The following ASCC2 variants were observed in gnomAD, a reference collection of about 807,000 sequenced individuals.
ASCC2 encodes the protein activating signal cointegrator 1 complex subunit 2.
In ASCC2, 42 loss-of-function variants were observed where a neutral mutation model predicts 93.5. The observed-to-expected ratio is 0.45, with a 90% CI of 0.35 to 0.58. ASCC2 has a LOEUF of 0.58. ASCC2 is among the 20% of genes least tolerant of loss of function. The probability of loss-of-function intolerance (pLI) is 0.00; values close to 1 mark genes in which losing one functional copy is unlikely to be tolerated. For missense variants in ASCC2, 859 were observed against 977.6 expected, an observed-to-expected ratio of 0.88 and a Z score of 1.62; for synonymous variants, 364 against 384.2, an observed-to-expected ratio of 0.95 and a Z score of 0.62.
chr22:29,811,472 A>C (rs1355814603), intron 8 of ASCC2, among the ~76,000 whole-genome samples: 5 of 152,218 alleles, frequency 3.3e-5, no homozygotes, highest in African/African-American at 1.2e-4. Context: ...ATAGATGGGA[A>C]AGGAAGGAGG....
chr22:29,816,180 T>C, intron 5 of ASCC2, 107 bp from the exon 6 acceptor site: 1 of 926,170 alleles, frequency 1.1e-6, no homozygotes, highest in Non-Finnish European at 1.7e-6. Context: ...TTTCTCCCTT[T>C]TCCTAATCCT....
Position 29,793,644 on chromosome 22 carries a change from A to G in ASCC2, c.1721T>C (p.Leu574Pro), listed in dbSNP as rs982424605. 1.3e-6 allele frequency: 2 copies of G among 1,592,006 alleles called. No homozygotes were observed. The highest frequency in any genetic ancestry group is 1.3e-5 in the African/African-American group (1 of 74,372). ...TGCCGCCACTGCACGCTTGTCGTTC[A>G]GCAAACTCCGCGTGTTTTCCTCCTT... ...TRKEENTRSL[L>P]NDKRAVAAQR... Residue 574 changes from leucine to proline, a missense_variant, in exon 16 of 20, where the codon CTG becomes CCG. Transcript: ENST00000307790.
At chr22:29,818,497 C>T (rs1291525196) in intron 5 of ASCC2, among the ~76,000 whole-genome samples, 2 of 113,908 alleles carry the variant, frequency 1.8e-5, no homozygotes, top group East Asian at 6.1e-4. Context: ...GCTCCTGAGG[C>T]CTGGTCCTGA....
chr22:29,804,582 C>CA lies in ASCC2; in HGVS notation c.1353+55dup. 3 of 1,573,668 alleles carry CA rather than the reference C, an allele frequency of 1.9e-6. No homozygotes were observed. In the South Asian group the frequency reaches 3.4e-5, roughly 18 times the overall value. ...GAGGTTTCCTGCTGCCCCAGCCTCT[C>CA]AGATAGGGCCAAGGAGGGACAAGCG... On this transcript the variant is annotated intron_variant, in intron 13 of 19. Transcript: ENST00000307790.
At position 29,838,226 on chromosome 22, in the gene ASCC2, CCGA is replaced by C. The variant is rs759597045; in HGVS notation, c.-69_-67del. The C allele has an allele frequency of 4.3e-6, 2 of 465,796 alleles. No homozygotes were observed. The highest frequency in any genetic ancestry group is 1.5e-5 in the South Asian group (1 of 65,334). 28.9% of individuals were successfully genotyped at this position (465,796 alleles called of 1,614,324 possible). A position where few individuals can be genotyped will look rare whatever the true frequency, so the allele number is the denominator to read the frequency against. On this transcript the variant is annotated 5_prime_UTR_variant, in exon 1 of 20. Transcript: ENST00000307790. ...TGTGCCGCCGCCGCCGCCGCCGCCG[CCGA>C]CCACGGTGACAGCTCCCTGAGCGCC...
chr22:29,829,826 A>G (rs1226337879), intron 2 of ASCC2, among the ~76,000 whole-genome samples: 1 of 152,048 alleles, frequency 6.6e-6, no homozygotes, highest in Non-Finnish European at 1.5e-5. Flanking sequence ...CCTGGCCACA[A>G]GACTATTTCT....
In ASCC2 at chr22:29,806,529, G is replaced by A. The variant is rs147120322; in HGVS notation, c.1041C>T (p.Ile347=). Residue 347 remains isoleucine, a synonymous_variant, in exon 11 of 20, where the codon ATC becomes ATT. Coordinates refer to ENST00000307790, the MANE Select transcript of ASCC2 (RefSeq NM_032204.5). ...AGCTGAAGATCTGAAGGAACTCTTC[G>A]ATGAAGCCCTGAATGTTGTCACAGC... ...ESSCDNIQGF[I]EEFLQIFSSL... The A allele has an allele frequency of 1.4e-5, 22 of 1,613,834 alleles. No individual in the cohort carries two copies. The highest frequency in any genetic ancestry group is 1.7e-5 in the Admixed American group (1 of 59,980).
Position 29,788,762 on chromosome 22 carries a change from C to T in ASCC2, c.*251G>A, listed in dbSNP as rs1011082397. 4.4e-5 allele frequency: 23 copies of T among 525,898 alleles called. No homozygotes were observed. Among genetic ancestry groups the T allele is most frequent in the Admixed American group, 1.6e-4 (5 of 30,574 alleles). The allele number at this position is 525,898 out of a possible 1,614,324, so 32.6% of individuals were successfully genotyped here. A position where few individuals can be genotyped will look rare whatever the true frequency, so the allele number is the denominator to read the frequency against. The stretch of plus-strand genomic sequence containing the variant: ...TCCATCCCCATCTCTTTCCCGCTAG[C>T]GCAGCTGGGGGAAGGTGCCTGCTTG... On this transcript the variant is annotated 3_prime_UTR_variant, in exon 20 of 20. Coordinates refer to ENST00000307790, the MANE Select transcript of ASCC2 (RefSeq NM_032204.5).
intron 14 of ASCC2, 50 bp downstream of exon 14, chr22:29,801,943 AC>A: frequency 6.6e-7 from 1 of 1,514,414 alleles, no homozygotes. Flanking sequence ...AAGGGGCCCC[AC>A]CCCGAGGCAG....
At chr22:29,818,803 T>TA (rs2061207836) in intron 5 of ASCC2, among the ~76,000 whole-genome samples, 1 of 152,068 alleles carries the variant, frequency 6.6e-6, no homozygotes, top group Non-Finnish European at 1.5e-5. Context: ...ACCTCACCTC[T>TA]ACCCAAAGCT....
chr22:29,821,741 T>C (rs1439547661), intron 5 of ASCC2, among the ~76,000 whole-genome samples: 4 of 152,178 alleles, frequency 2.6e-5, no homozygotes, highest in Admixed American at 6.5e-5. Context: ...TACACTGTAA[T>C]CTCAGCTGTT....
At chr22:29,790,434 G>A (rs1225886979) in intron 19 of ASCC2, 35 bp downstream of exon 19, 1 of 1,611,930 alleles carries the variant, frequency 6.2e-7, no homozygotes. Flanking sequence ...GATGGTGGGA[G>A]GGGTCCCCCC....
chr22:29,790,744 C>T (rs1601769443), intron 18 of ASCC2, among the ~76,000 whole-genome samples, 196 bp from the exon 19 acceptor site: 2 of 152,214 alleles, frequency 1.3e-5, no homozygotes, highest in South Asian at 4.1e-4. Context: ...GCCCCCTGCC[C>T]CACCTCTTCC....
intron 15 of ASCC2, among the ~76,000 whole-genome samples, chr22:29,800,230 A>T (rs1027350181): frequency 1.5e-4 from 23 of 150,048 alleles, no homozygotes; most frequent in Admixed American, 1.3e-3. Context: ...ACCCCTCCTC[A>T]CCCTTTAGCT....
At chr22:29,812,845 C>G (rs1279237204) in intron 8 of ASCC2, among the ~76,000 whole-genome samples, 1 of 151,966 alleles carries the variant, frequency 6.6e-6, no homozygotes, top group Non-Finnish European at 1.5e-5. Context: ...GTGTGTTCCC[C>G]CCAGGCTACT....
In ASCC2 at chr22:29,825,759, G is replaced by C; in HGVS notation, c.103C>G (p.Arg35Gly). 6.2e-7 allele frequency: 1 copy of C among 1,611,066 alleles called. No homozygotes were observed. Among genetic ancestry groups the C allele is most frequent in the Non-Finnish European group, 8.5e-7 (1 of 1,177,440 alleles). The change falls in exon 3 of 20, where the codon CGG (arginine) becomes GGG (glycine). Residue 35 changes from arginine (R) to glycine (G), a missense_variant. Physicochemically the swap from Arg to Gly is moderately radical, Grantham distance 125. Coordinates refer to ENST00000307790, the MANE Select transcript of ASCC2 (RefSeq NM_032204.5). The surrounding 1 kb of genome is among the most constrained non-coding windows in gnomAD (Gnocchi z 4.9). ...GGCGGTTTGTATAACACAAAATACCGGTCTGCCTTCTGCTCGGGGTGCTAC... is the reference window on the plus strand; with the variant it reads ...GGCGGTTTGTATAACACAAAATACCCGTCTGCCTTCTGCTCGGGGTGCTAC... Reference protein sequence around the residue: ...PALHPEQKADRYFVLYKPPPK... With the variant: ...PALHPEQKADGYFVLYKPPPK...
intron 4 of ASCC2, among the ~76,000 whole-genome samples, chr22:29,824,753 A>AG (rs2062073544): frequency 6.6e-6 from 1 of 152,022 alleles, no homozygotes; most frequent in Non-Finnish European, 1.5e-5. Context: ...GAAAAAAAAA[A>AG]CAGTAAAGAT....
intron 8 of ASCC2, among the ~76,000 whole-genome samples, chr22:29,811,754 C>A (rs548625203): frequency 2.6e-5 from 4 of 152,340 alleles, no homozygotes; most frequent in African/African-American, 9.6e-5. Flanking sequence ...GTCAGCTCTT[C>A]CAAAACTTAT....
chr22:29,809,501 T>A (rs1204393793), intron 8 of ASCC2, among the ~76,000 whole-genome samples: 1 of 152,052 alleles, frequency 6.6e-6, no homozygotes. Flanking sequence ...AAATTAAGGC[T>A]GTGCATGGTG....
Sources: gnomAD v4.1 joint callset for allele counts (sites outside exome capture counted in the v4.1 genomes callset) on GRCh38, gnomAD v4.1.1 for gene constraint, Gnocchi (gnomAD v3.1) non-coding constraint, MANE v1.5 for transcripts, NCBI Gene and HGNC (gene_info 2026-07-23, HGNC 2026-07-21) for gene names.